The following ULK4 variants were observed in gnomAD, a reference collection of about 807,000 sequenced individuals.
The protein encoded by ULK4 is inactive serine/threonine-protein kinase ULK4.
A neutral mutation model predicts 160.6 loss-of-function variants in ULK4; 133 were observed. The ratio of observed to expected loss-of-function variants is 0.83; its 90% CI spans 0.72 to 0.96. The LOEUF is 0.96. Among genes scored for constraint, ULK4 ranks in the 40% least tolerant of loss-of-function variants. The pLI is 0.00. For missense variants in ULK4, 1,580 were observed against 1,499.5 expected (o/e 1.05, Z -0.89); for synonymous variants, 534 against 539.8 (o/e 0.99, Z 0.15).
intron 30 of ULK4, among the ~76,000 whole-genome samples, chr3:41,663,094 A>G (rs6772363): frequency 0.051 from 7,710 of 151,456 alleles, 536 homozygotes; most frequent in African/African-American, 0.16. Context: ...GGCGGCGGGC[A>G]CCTGTAATCC....
chr3:41,788,559 G>A (rs964295417), intron 21 of ULK4, among the ~76,000 whole-genome samples: 18 of 152,076 alleles, frequency 1.2e-4, no homozygotes, highest in Admixed American at 3.9e-4. Context: ...GCGTGGTGGC[G>A]GGTACCTATA....
chr3:41,539,035 GTTT>G (rs11425607), intron 32 of ULK4, among the ~76,000 whole-genome samples: 2 of 139,916 alleles, frequency 1.4e-5, no homozygotes, highest in African/African-American at 5.3e-5. Flanking sequence ...CTTTTTCTTA[GTTT>G]TTTTTTTTTT....
At chr3:41,495,594 A>G (rs1210723863) in intron 32 of ULK4, among the ~76,000 whole-genome samples, 4 of 150,638 alleles carry the variant, frequency 2.7e-5, no homozygotes, top group African/African-American at 4.9e-5. Context: ...TAATTGAACT[A>G]AAGAGCTTCT....
chr3:41,391,924 G>GT (rs2081965698), intron 35 of ULK4, among the ~76,000 whole-genome samples: 1 of 152,066 alleles, frequency 6.6e-6, no homozygotes, highest in Admixed American at 6.6e-5. Flanking sequence ...CAGGGAGTTA[G>GT]TAACATCAGC....
intron 32 of ULK4, among the ~76,000 whole-genome samples, chr3:41,509,882 A>C (rs1228499014): frequency 6.6e-6 from 1 of 152,212 alleles, no homozygotes; most frequent in Non-Finnish European, 1.5e-5. Context: ...TTAATGCATA[A>C]ATTTCACAGG....
intron 32 of ULK4, among the ~76,000 whole-genome samples, chr3:41,534,769 A>T (rs574835445): frequency 6.6e-6 from 1 of 152,206 alleles, no homozygotes; most frequent in Non-Finnish European, 1.5e-5. Context: ...TGCATATTTT[A>T]TCACTTAGAA....
At chr3:41,948,110 T>C (rs1700167145) in intron 2 of ULK4, among the ~76,000 whole-genome samples, 1 of 152,198 alleles carries the variant, frequency 6.6e-6, no homozygotes, top group Non-Finnish European at 1.5e-5. Context: ...ATGTGTTCTC[T>C]ATGTATTTCT....
intron 17 of ULK4, among the ~76,000 whole-genome samples, chr3:41,880,049 G>A (rs1697456452): frequency 6.6e-6 from 1 of 152,144 alleles, no homozygotes; most frequent in South Asian, 2.1e-4. Context: ...GAACCTGGGT[G>A]ACAGAGGTTG....
chr3:41,896,866 C>T lies in ULK4; in HGVS notation c.1486G>A (p.Ala496Thr), dbSNP rs1414345695. 1 of 1,613,226 alleles carries T rather than the reference C, an allele frequency of 6.2e-7. No individual in the cohort carries two copies. The highest frequency in any genetic ancestry group is 8.5e-7 in the Non-Finnish European group (1 of 1,179,758). The stretch of plus-strand genomic sequence containing the variant: ...CTGGTGGCCACCTCCTGGTGACCAG[C>T]CACCACGCACAAATAGCAAAGGAGA... ...LNLLCYLCVV[A>T]GHQEVATRLL... The change falls in exon 15 of 37, where the codon GCT (alanine) becomes ACT (threonine). Residue 496 changes from alanine to threonine, a missense_variant. Transcript: ENST00000301831.
At chr3:41,433,562 C>T (rs776581869) in intron 34 of ULK4, among the ~76,000 whole-genome samples, 1 of 152,060 alleles carries the variant, frequency 6.6e-6, no homozygotes, top group Non-Finnish European at 1.5e-5. Flanking sequence ...GAAAAATGTA[C>T]CCCCTCCACA....
rs200764602 is a variant in ULK4 at position 41,574,529 on chromosome 3, C to T, written c.3121-8399G>A. On this transcript the variant is annotated intron_variant, in intron 31 of 36. Coordinates refer to ENST00000301831, the MANE Select transcript of ULK4 (RefSeq NM_017886.4). The stretch of plus-strand genomic sequence containing the variant: ...CACCTCCACTACTGCTACCAGAGTC[C>T]TCTTTTTTTTTTTTTTTTTTTTTTT... 7.9e-4 allele frequency among the ~76,000 whole-genome samples: 59 copies of T among 74,314 alleles called. 3 individuals are homozygous for T. The highest frequency in any genetic ancestry group is 1.9e-3 in the South Asian group (4 of 2,054). 48.8% of individuals were successfully genotyped at this position (74,314 alleles called of 152,430 possible).
intron 31 of ULK4, among the ~76,000 whole-genome samples, chr3:41,594,672 T>A (rs1354227311): frequency 6.6e-6 from 1 of 152,190 alleles, no homozygotes; most frequent in Non-Finnish European, 1.5e-5. Context: ...AGTTAGAGAT[T>A]TGGATTTTCA....
At chr3:41,521,674 A>G (rs1218904513) in intron 32 of ULK4, among the ~76,000 whole-genome samples, 1 of 152,226 alleles carries the variant, frequency 6.6e-6, no homozygotes, top group Non-Finnish European at 1.5e-5. Flanking sequence ...ACATGGTCCC[A>G]TGTGAAGATC....
intron 29 of ULK4, among the ~76,000 whole-genome samples, chr3:41,669,523 G>T (rs566871330): frequency 2.0e-5 from 3 of 152,284 alleles, no homozygotes; most frequent in African/African-American, 7.2e-5. Context: ...CTCCCAACCT[G>T]CTGAGACTAC....
At chr3:41,906,611 A>C (rs1248063266) in intron 12 of ULK4, among the ~76,000 whole-genome samples, 1 of 152,218 alleles carries the variant, frequency 6.6e-6, no homozygotes, top group Non-Finnish European at 1.5e-5. Flanking sequence ...ACTGGAAAAA[A>C]AAAAAGATGT....
chr3:41,614,439 T>C (rs1172844111), intron 31 of ULK4, among the ~76,000 whole-genome samples: 1 of 152,280 alleles, frequency 6.6e-6, no homozygotes, highest in Non-Finnish European at 1.5e-5. Context: ...TGTATCTGAC[T>C]GAAGATGGAA....
chr3:41,309,149 A>C (rs1349719084), intron 35 of ULK4, among the ~76,000 whole-genome samples: 1 of 152,092 alleles, frequency 6.6e-6, no homozygotes, highest in Non-Finnish European at 1.5e-5. Context: ...CTTTCTAGAA[A>C]ATTATCAGCT....
chr3:41,720,371 C>T (rs1000672228), intron 22 of ULK4, among the ~76,000 whole-genome samples: 8 of 151,924 alleles, frequency 5.3e-5, no homozygotes, highest in African/African-American at 1.9e-4. Context: ...CTTAATTCTG[C>T]TATTTAGTGT....
intron 35 of ULK4, among the ~76,000 whole-genome samples, chr3:41,366,902 C>T (rs145268459): frequency 3.3e-5 from 5 of 152,296 alleles, no homozygotes; most frequent in Admixed American, 3.3e-4. Context: ...CAGTTCTTAA[C>T]ATTTCTCTCA....
Sources: allele counts gnomAD v4.1 joint callset (sites outside exome capture counted in the v4.1 genomes callset), GRCh38; gene constraint gnomAD v4.1.1; transcripts MANE v1.5; gene names NCBI Gene and HGNC (gene_info 2026-07-23, HGNC 2026-07-21).